MLLT10: variants seen among roughly 807,000 people sequenced by gnomAD.
MLLT10 encodes the protein protein AF-10.
In MLLT10, 30 loss-of-function variants were observed where a neutral mutation model predicts 129.1. The observed-to-expected ratio is 0.23, with a 90% CI of 0.17 to 0.32. The LOEUF is 0.32. Among genes scored for constraint, MLLT10 ranks in the 10% least tolerant of loss-of-function variants. MLLT10 has a pLI of 1.00. For synonymous variants in MLLT10, 490 were observed against 446.4 expected, an observed-to-expected ratio of 1.10 and a Z score of -1.23; for missense variants, 1,119 against 1,268.3, an observed-to-expected ratio of 0.88 and a Z score of 1.79.
chr10:21,688,537 AG>A, intron 13 of MLLT10: 2 of 1,611,762 alleles, frequency 1.2e-6, no homozygotes, highest in Non-Finnish European at 1.7e-6. Context: ...TTAAATTCAT[AG>A]GTATGTACCA....
At chr10:21,717,876 T>C (rs1337698132) in intron 14 of MLLT10, among the ~76,000 whole-genome samples, 341 of 75,618 alleles carry the variant, frequency 4.5e-3, no homozygotes, top group Middle Eastern at 0.026. Flanking sequence ...TCCTCCTCCT[T>C]CTCCTCCTCC....
In MLLT10 at chr10:21,686,314, A is replaced by G. The variant is rs188151201; in HGVS notation, c.1699+4057A>G. ...TACTTTCCCTTTCCAAACTGCCTCA[A>G]AAGTTTCTGAAATTTCCTGAGACTT... On this transcript the variant is annotated intron_variant, in intron 13 of 22. Transcript: ENST00000307729. 3.8e-3 allele frequency among the ~76,000 whole-genome samples: 580 copies of G among 152,272 alleles called. 5 individuals carry two copies. Among genetic ancestry groups the G allele is most frequent in the African/African-American group, 0.013 (547 of 41,560 alleles).
chr10:21,571,312 T>C (rs904534549), intron 3 of MLLT10, among the ~76,000 whole-genome samples: 2 of 151,954 alleles, frequency 1.3e-5, no homozygotes, highest in Non-Finnish European at 2.9e-5. Context: ...TGTAGATCTC[T>C]TCATTTCTCT....
chr10:21,539,288 G>GA (rs968881853), intron 3 of MLLT10, among the ~76,000 whole-genome samples: 2 of 151,922 alleles, frequency 1.3e-5, no homozygotes, highest in Non-Finnish European at 1.5e-5. Context: ...TGTGTAATGG[G>GA]AAAAAAACCC....
chr10:21,672,584 C>T (rs1411473848), intron 10 of MLLT10, among the ~76,000 whole-genome samples: 1 of 152,022 alleles, frequency 6.6e-6, no homozygotes. Context: ...GGATTACAGG[C>T]ATGAGCCACT....
chr10:21,687,189 T>C (rs1046191085), intron 13 of MLLT10, among the ~76,000 whole-genome samples: 5 of 152,190 alleles, frequency 3.3e-5, no homozygotes, highest in Non-Finnish European at 5.9e-5. Context: ...ATAGGTGCTG[T>C]AGGATGAGTA....
At chr10:21,630,737 A>G (rs942713407) in intron 8 of MLLT10, among the ~76,000 whole-genome samples, 2 of 152,244 alleles carry the variant, frequency 1.3e-5, no homozygotes, top group Admixed American at 6.5e-5. Flanking sequence ...GTCATCTTCT[A>G]CCAGCATCTA....
intron 6 of MLLT10, among the ~76,000 whole-genome samples, chr10:21,613,705 C>T (rs997781448): frequency 8.6e-5 from 13 of 150,950 alleles, no homozygotes; most frequent in Non-Finnish European, 1.6e-4. Context: ...GAGTTCAGAG[C>T]CACCCTGGGC....
chr10:21,691,023 A>G (rs538800638), intron 13 of MLLT10, among the ~76,000 whole-genome samples: 6 of 152,318 alleles, frequency 3.9e-5, no homozygotes, highest in African/African-American at 1.4e-4. Context: ...AGAATGCCAA[A>G]TGTTGCTTAT....
intron 21 of MLLT10, 145 bp downstream of exon 21, chr10:21,735,380 T>C (rs2058278975): frequency 1.5e-6 from 1 of 665,472 alleles, no homozygotes; most frequent in African/African-American, 1.8e-5. Context: ...GTACAGGCTG[T>C]GATACCTGCA....
chr10:21,704,712 T>C (rs2055331080), intron 13 of MLLT10, among the ~76,000 whole-genome samples: 1 of 151,668 alleles, frequency 6.6e-6, no homozygotes, highest in African/African-American at 2.4e-5. Flanking sequence ...TTTGCTTTCA[T>C]AGGGGAGAAC....
intron 11 of MLLT10, among the ~76,000 whole-genome samples, chr10:21,678,340 T>A (rs959772281): frequency 6.6e-6 from 1 of 152,060 alleles, no homozygotes; most frequent in African/African-American, 2.4e-5. Flanking sequence ...CTTGACCTCA[T>A]GATCCACCTG....
At chr10:21,637,007 G>A (rs2047525167) in intron 8 of MLLT10, among the ~76,000 whole-genome samples, 1 of 152,114 alleles carries the variant, frequency 6.6e-6, no homozygotes, top group South Asian at 2.1e-4. Flanking sequence ...AGTGGGTGTG[G>A]CGTTCAGTTT....
At chr10:21,683,967 C>T (rs1489727236) in intron 13 of MLLT10, among the ~76,000 whole-genome samples, 1 of 151,920 alleles carries the variant, frequency 6.6e-6, no homozygotes, top group African/African-American at 2.4e-5. Flanking sequence ...TCTTTATGAA[C>T]ATAGTCGTTT....
intron 3 of MLLT10, among the ~76,000 whole-genome samples, chr10:21,553,144 G>A (rs2037355333): frequency 6.6e-6 from 1 of 152,094 alleles, no homozygotes; most frequent in Non-Finnish European, 1.5e-5. Context: ...ATAGGAAAAG[G>A]CGCATGAGAA....
At chr10:21,700,022 ATTTG>A (rs772948274) in intron 13 of MLLT10, among the ~76,000 whole-genome samples, 5 of 151,262 alleles carry the variant, frequency 3.3e-5, no homozygotes, top group Non-Finnish European at 4.4e-5. Context: ...ATGTCTTTAA[ATTTG>A]TTTGTGTCCT....
At chr10:21,686,696 C>A (rs142373081) in intron 13 of MLLT10, among the ~76,000 whole-genome samples, 60 of 152,118 alleles carry the variant, frequency 3.9e-4, no homozygotes, top group African/African-American at 1.4e-3. Context: ...ATAATATTTC[C>A]TTGGGGCCGT....
chr10:21,670,087 A>G (rs1430097313), intron 9 of MLLT10, among the ~76,000 whole-genome samples: 2 of 151,950 alleles, frequency 1.3e-5, no homozygotes, highest in African/African-American at 4.8e-5. Context: ...TTTTAATTTC[A>G]TGTCTAGGAA....
intron 5 of MLLT10, among the ~76,000 whole-genome samples, chr10:21,609,865 T>G (rs905342909): frequency 4.6e-5 from 7 of 152,128 alleles, no homozygotes; most frequent in African/African-American, 1.7e-4. Context: ...CAGAGTACAG[T>G]GTGATGTTTT....
Sources: allele counts gnomAD v4.1 joint callset (sites outside exome capture counted in the v4.1 genomes callset), GRCh38; gene constraint gnomAD v4.1.1; transcripts MANE v1.5; gene names NCBI Gene and HGNC (gene_info 2026-07-23, HGNC 2026-07-21).